The following HIBADH variants were observed in gnomAD, a reference collection of about 807,000 sequenced individuals.
The protein encoded by HIBADH is 3-hydroxyisobutyrate dehydrogenase.
A neutral mutation model predicts 36.1 loss-of-function variants in HIBADH; 25 were observed. That is an observed-to-expected ratio of 0.69 (90% CI 0.50 to 0.97). The LOEUF is 0.97. HIBADH is among the 50% of genes least tolerant of loss of function. The pLI is 0.00. For missense variants in HIBADH, 421 were observed against 418.0 expected (o/e 1.01, Z -0.06); for synonymous variants, 160 against 149.5 (o/e 1.07, Z -0.51).
chr7:27,575,508 C>G (rs546232533), intron 4 of HIBADH, among the ~76,000 whole-genome samples: 43 of 152,172 alleles, frequency 2.8e-4, no homozygotes, highest in African/African-American at 1.0e-3. Flanking sequence ...GGGTGAGCAT[C>G]AGGAACCAGA....
At chr7:27,532,207 A>T (rs1225029573) in intron 6 of HIBADH, among the ~76,000 whole-genome samples, 2 of 152,238 alleles carry the variant, frequency 1.3e-5, no homozygotes, top group Admixed American at 6.5e-5. Flanking sequence ...GCAGTTTGGG[A>T]AGCACAATTT....
At chr7:27,658,324 T>C (rs1196734555) in intron 1 of HIBADH, among the ~76,000 whole-genome samples, 1 of 152,110 alleles carries the variant, frequency 6.6e-6, no homozygotes, top group Admixed American at 6.5e-5. Flanking sequence ...ATCAACCAAA[T>C]ACAAAGGTGA....
intron 4 of HIBADH, among the ~76,000 whole-genome samples, chr7:27,563,086 C>CA (rs1784491533): frequency 6.6e-6 from 1 of 152,146 alleles, no homozygotes; most frequent in African/African-American, 2.4e-5. Context: ...CTTGCCTTCT[C>CA]CAACTCCTGA....
chr7:27,584,297 T>C (rs1385464148), intron 4 of HIBADH, among the ~76,000 whole-genome samples: 4 of 152,032 alleles, frequency 2.6e-5, no homozygotes, highest in Non-Finnish European at 4.4e-5. Context: ...CAACGGTCAA[T>C]TGGAAAATAC....
chr7:27,586,369 A>AGAAGGAAG (rs1163002988), intron 4 of HIBADH, among the ~76,000 whole-genome samples: 4 of 138,566 alleles, frequency 2.9e-5, no homozygotes, highest in African/African-American at 1.0e-4. Context: ...AGGGAGAGAG[A>AGAAGGAAG]GAAGGAAGGA....
At chr7:27,557,434 T>TA (rs900734492) in intron 4 of HIBADH, among the ~76,000 whole-genome samples, 1 of 152,220 alleles carries the variant, frequency 6.6e-6, no homozygotes, top group African/African-American at 2.4e-5. Flanking sequence ...CTATATTATA[T>TA]AGTTACATAT....
chr7:27,530,704 TTAAC>T (rs144276262), intron 7 of HIBADH, among the ~76,000 whole-genome samples: 2,095 of 152,294 alleles, frequency 0.014, 45 homozygotes, highest in African/African-American at 0.047. Context: ...TTCCAATGAC[TTAAC>T]TAGTTTTTAT....
chr7:27,545,979 C>T (rs976467810), intron 4 of HIBADH, among the ~76,000 whole-genome samples: 3 of 152,196 alleles, frequency 2.0e-5, no homozygotes, highest in Non-Finnish European at 4.4e-5. Context: ...GGATGTGCCA[C>T]TTGCTGGCAA....
At chr7:27,627,096 T>TTC (rs756362864) in intron 4 of HIBADH, among the ~76,000 whole-genome samples, 59 of 152,310 alleles carry the variant, frequency 3.9e-4, no homozygotes, top group Non-Finnish European at 6.0e-4. Context: ...TTCAACCCAC[T>TTC]TCCCTGTAGC....
chr7:27,614,418 G>T (rs1371784857), intron 4 of HIBADH, among the ~76,000 whole-genome samples: 1 of 152,130 alleles, frequency 6.6e-6, no homozygotes, highest in Non-Finnish European at 1.5e-5. Flanking sequence ...ATGAATAACC[G>T]CAAGAAGGCT....
At chr7:27,660,350 A>C (rs1377854359) in intron 1 of HIBADH, among the ~76,000 whole-genome samples, 1 of 152,238 alleles carries the variant, frequency 6.6e-6, no homozygotes, top group Non-Finnish European at 1.5e-5. Context: ...AAATTAACAG[A>C]AATTTAAATG....
chr7:27,657,428 G>A (rs1167330152), intron 1 of HIBADH, among the ~76,000 whole-genome samples: 1 of 152,140 alleles, frequency 6.6e-6, no homozygotes, highest in African/African-American at 2.4e-5. Context: ...ATGTTTGTTA[G>A]AACAAGAATC....
chr7:27,629,360 C>T lies in HIBADH; in HGVS notation c.484+11G>A, dbSNP rs1785705099. On this transcript the variant is annotated intron_variant, in intron 4 of 7. Coordinates refer to ENST00000265395, the MANE Select transcript of HIBADH (RefSeq NM_152740.4). ...ATAAATAGGTTTGCATATATTTTAG[C>T]TACCACTTACCACCAGAAACAGGGG... 1.2e-6 allele frequency: 2 copies of T among 1,607,876 alleles called. No homozygotes were observed. The highest frequency in any genetic ancestry group is 1.7e-5 in the Admixed American group (1 of 59,302).
At chr7:27,661,275 T>C (rs370011379) in intron 1 of HIBADH, among the ~76,000 whole-genome samples, 5 of 152,162 alleles carry the variant, frequency 3.3e-5, no homozygotes, top group African/African-American at 9.6e-5. Flanking sequence ...AGGGGGAGAA[T>C]GGGAAGCTGT....
intron 2 of HIBADH, among the ~76,000 whole-genome samples, chr7:27,644,181 C>A (rs1291895541): frequency 6.6e-6 from 1 of 152,018 alleles, no homozygotes; most frequent in Non-Finnish European, 1.5e-5. Context: ...CAAGAAGAAA[C>A]CTGGCCAGGC....
chr7:27,645,371 T>TTG (rs1786045885), intron 2 of HIBADH, among the ~76,000 whole-genome samples: 1 of 111,134 alleles, frequency 9.0e-6, no homozygotes, highest in African/African-American at 4.4e-5. Context: ...GGTTTTGATT[T>TTG]TTTTTTTTTT....
At chr7:27,588,345 A>G (rs1226061167) in intron 4 of HIBADH, among the ~76,000 whole-genome samples, 1 of 152,168 alleles carries the variant, frequency 6.6e-6, no homozygotes, top group African/African-American at 2.4e-5. Context: ...TCTTTTGTTT[A>G]AGAGATACGG....
intron 1 of HIBADH, among the ~76,000 whole-genome samples, chr7:27,658,486 T>C (rs1786349020): frequency 6.6e-6 from 1 of 152,142 alleles, no homozygotes; most frequent in Admixed American, 6.5e-5. Flanking sequence ...ACAAGGGGAG[T>C]TATCCGTATC....
At chr7:27,553,821 G>A (rs181658909) in intron 4 of HIBADH, among the ~76,000 whole-genome samples, 9 of 152,228 alleles carry the variant, frequency 5.9e-5, no homozygotes, top group East Asian at 1.9e-4. Context: ...TGCAAATAAC[G>A]TATCTTTCAG....
Sources: allele counts gnomAD v4.1 joint callset (sites outside exome capture counted in the v4.1 genomes callset), GRCh38; gene constraint gnomAD v4.1.1; transcripts MANE v1.5; gene names NCBI Gene and HGNC (gene_info 2026-07-23, HGNC 2026-07-21).